Variants in ALG6 observed in about 807,000 individuals in gnomAD.
The protein encoded by ALG6 is dolichyl pyrophosphate Man9GlcNAc2 alpha-1,3-glucosyltransferase.
A neutral mutation model predicts 66.6 loss-of-function variants in ALG6; 46 were observed. The ratio of observed to expected loss-of-function variants is 0.69; its 90% confidence interval spans 0.55 to 0.88. ALG6 has a LOEUF of 0.88. Ranked by LOEUF, ALG6 falls within the 40% of genes least tolerant of loss-of-function variation. The probability of loss-of-function intolerance (pLI) is 0.00; values close to 1 mark genes in which losing one functional copy is unlikely to be tolerated. For synonymous variants in ALG6, 185 were observed against 203.7 expected (o/e 0.91, Z 0.78); for missense variants, 505 against 586.8 (o/e 0.86, Z 1.44).
chr1:63,385,726 T>C (rs1341324958), intron 2 of ALG6, among the ~76,000 whole-genome samples: 3 of 152,242 alleles, frequency 2.0e-5, no homozygotes, highest in Non-Finnish European at 2.9e-5. Flanking sequence ...TATGGTGTTT[T>C]AAGGTTTTTC....
intron 14 of ALG6, among the ~76,000 whole-genome samples, chr1:63,432,205 C>T (rs185135218): frequency 2.7e-4 from 40 of 150,906 alleles, no homozygotes; most frequent in African/African-American, 9.3e-4. Flanking sequence ...ATGTTTTTCT[C>T]ATGAAAAAAT....
At chr1:63,371,520 G>A (rs991959637) in intron 2 of ALG6, among the ~76,000 whole-genome samples, 5 of 152,196 alleles carry the variant, frequency 3.3e-5, no homozygotes, top group Non-Finnish European at 7.3e-5. Context: ...TATTTAGCAC[G>A]TCTCATGTTC....
chr1:63,385,883 C>CTTG (rs34789502), intron 2 of ALG6, among the ~76,000 whole-genome samples: 81 of 152,038 alleles, frequency 5.3e-4, no homozygotes, highest in African/African-American at 1.9e-3. Context: ...AGTGGGCATT[C>CTTG]TTTTGTTCCA....
At chr1:63,403,144 C>T (rs2100413980) in intron 4 of ALG6, among the ~76,000 whole-genome samples, 1 of 141,298 alleles carries the variant, frequency 7.1e-6, no homozygotes, top group East Asian at 2.1e-4. Flanking sequence ...TTGAACATTT[C>T]TATAATTTTT....
chr1:63,378,565 CAGAT>C (rs1350484947), intron 2 of ALG6, among the ~76,000 whole-genome samples: 20 of 152,154 alleles, frequency 1.3e-4, no homozygotes, highest in Non-Finnish European at 2.6e-4. Flanking sequence ...AGGAATTCCA[CAGAT>C]AGTATAGGCC....
chr1:63,394,369 CT>C (rs902485761), intron 2 of ALG6, among the ~76,000 whole-genome samples: 25 of 149,968 alleles, frequency 1.7e-4, no homozygotes, highest in African/African-American at 2.4e-4. Context: ...AGCTTTACAT[CT>C]TTTTTTTTTC....
intron 4 of ALG6, among the ~76,000 whole-genome samples, chr1:63,403,039 G>A (rs1275242548): frequency 2.1e-5 from 3 of 140,320 alleles, no homozygotes; most frequent in African/African-American, 8.0e-5. Context: ...AGGTTGCAGT[G>A]AGCCGAGATC....
chr1:63,431,932 A>G (rs1389832763), intron 14 of ALG6, among the ~76,000 whole-genome samples: 1 of 152,194 alleles, frequency 6.6e-6, no homozygotes, highest in Non-Finnish European at 1.5e-5. Flanking sequence ...TATACAAGAT[A>G]ATGTAATCTG....
At chr1:63,404,834 CTG>C (rs1453198331) in intron 5 of ALG6, among the ~76,000 whole-genome samples, 1 of 152,076 alleles carries the variant, frequency 6.6e-6, no homozygotes, top group African/African-American at 2.4e-5. Flanking sequence ...GCTGAGGAAA[CTG>C]AGGCATAGTT....
chr1:63,412,751 T>C (rs1277673813), intron 9 of ALG6, among the ~76,000 whole-genome samples: 2 of 152,162 alleles, frequency 1.3e-5, no homozygotes, highest in East Asian at 3.8e-4. Flanking sequence ...AATTTGATCA[T>C]TTAGATTTGG....
intron 12 of ALG6, among the ~76,000 whole-genome samples, chr1:63,420,005 C>T (rs950235896): frequency 3.9e-5 from 6 of 152,038 alleles, no homozygotes; most frequent in African/African-American, 1.5e-4. Context: ...CACATAGAAC[C>T]CTTTGGAATA....
Position 63,404,492 on chromosome 1 carries a change from A to G in ALG6, c.297A>G (p.Thr99=), listed in dbSNP as rs2100415439. The G allele has an allele frequency of 8.1e-6, 13 of 1,613,750 alleles. No homozygotes were observed. Among genetic ancestry groups the G allele is most frequent in the Non-Finnish European group, 1.1e-5 (13 of 1,179,734 alleles). The stretch of plus-strand genomic sequence containing the variant: ...ATCCAGACTGGATTGCTCTCCATAC[A>G]TCACGTGGATATGAGAGTCAGGCAC... ...FINPDWIALH[T]SRGYESQAHK... is the part of the protein sequence containing the mutation. Residue 99 remains threonine (T), a synonymous_variant, in exon 5 of 15, where the codon ACA becomes ACG. Coordinates refer to ENST00000263440, the MANE Select transcript of ALG6 (RefSeq NM_013339.4).
chr1:63,380,784 A>C (rs992032460), intron 2 of ALG6, among the ~76,000 whole-genome samples: 7 of 152,156 alleles, frequency 4.6e-5, no homozygotes, highest in Non-Finnish European at 1.5e-5. Context: ...CATTTCTTTC[A>C]TGAACTGAAT....
At chr1:63,389,310 T>C (rs535367145) in intron 2 of ALG6, among the ~76,000 whole-genome samples, 5 of 152,332 alleles carry the variant, frequency 3.3e-5, no homozygotes, top group South Asian at 4.1e-4. Flanking sequence ...TATTTTCAAA[T>C]AGCCTGCCTT....
At chr1:63,392,009 A>AT (rs974347768) in intron 2 of ALG6, among the ~76,000 whole-genome samples, 3 of 152,038 alleles carry the variant, frequency 2.0e-5, no homozygotes, top group African/African-American at 7.2e-5. Flanking sequence ...AAGTTATTTT[A>AT]TTTTAATAAC....
chr1:63,377,595 A>G (rs1648175426), intron 2 of ALG6, among the ~76,000 whole-genome samples: 1 of 152,216 alleles, frequency 6.6e-6, no homozygotes, highest in African/African-American at 2.4e-5. Flanking sequence ...AGACTTTAGA[A>G]TGTTTTAATT....
At chr1:63,430,740 T>C (rs1644641519) in intron 14 of ALG6, among the ~76,000 whole-genome samples, 1 of 152,198 alleles carries the variant, frequency 6.6e-6, no homozygotes, top group South Asian at 2.1e-4. Flanking sequence ...TAAACTGGGT[T>C]GTCTTTTTGA....
chr1:63,370,842 C>G lies in ALG6; in HGVS notation c.-136C>G, dbSNP rs34542411. ...AGCATCATTAAAATTCTCTCAAACT[C>G]CTAATTGCGAAGAATCGATAACATT... On this transcript the variant is annotated 5_prime_UTR_variant, in exon 2 of 15. Transcript: ENST00000263440. The G allele has an allele frequency of 0.2, 139,916 of 714,454 alleles. 14,284 individuals are homozygous for G. The highest frequency in any genetic ancestry group is 0.29 in the Middle Eastern group (1,211 of 4,220). The allele number at this position is 714,454 out of a possible 1,614,324, so 44.3% of individuals were successfully genotyped here.
chr1:63,406,472 C>A, intron 6 of ALG6, 73 bp downstream of exon 6: 1 of 1,285,176 alleles, frequency 7.8e-7, no homozygotes, highest in Non-Finnish European at 1.1e-6. Flanking sequence ...AAGTATAGAC[C>A]TTAGAGAAGC....
Sources: gnomAD v4.1 joint callset for allele counts (sites outside exome capture counted in the v4.1 genomes callset) on GRCh38, gnomAD v4.1.1 for gene constraint, MANE v1.5 for transcripts, NCBI Gene and HGNC (gene_info 2026-07-23, HGNC 2026-07-21) for gene names.